The following ATR variants were observed in gnomAD, a reference collection of about 807,000 sequenced individuals.
The protein encoded by ATR is ATR checkpoint kinase.
A neutral mutation model predicts 305.3 loss-of-function variants in ATR; 142 were observed. The ratio of observed to expected loss-of-function variants is 0.47; its 90% CI spans 0.41 to 0.53. The LOEUF (loss-of-function observed/expected upper bound fraction) is 0.53, where lower values mean the gene tolerates loss of function less well. ATR is among the 20% of genes least tolerant of loss of function. The pLI, the probability that ATR is intolerant of heterozygous loss-of-function variation, is 0.00. For synonymous variants in ATR, 1,050 were observed against 1,068.1 expected, an observed-to-expected ratio of 0.98 and a Z score of 0.33; for missense variants, 2,135 against 3,133.1, an observed-to-expected ratio of 0.68 and a Z score of 7.60.
At chr3:142,515,270 CA>C (rs2032809331) in intron 25 of ATR, 124 bp downstream of exon 25, 1 of 1,336,662 alleles carries the variant, frequency 7.5e-7, no homozygotes, top group Admixed American at 2.2e-5. Context: ...ACATTTTCTT[CA>C]AAAATTTCTA....
intron 26 of ATR, among the ~76,000 whole-genome samples, chr3:142,512,729 T>A (rs1193848309): frequency 1.3e-5 from 2 of 151,910 alleles, no homozygotes; most frequent in African/African-American, 4.8e-5. Flanking sequence ...GTGGCACATG[T>A]GTGTAATCCC....
rs2108336444 is a variant in ATR at position 142,497,128 on chromosome 3, T to C, written c.5623A>G (p.Ser1875Gly). 6.2e-7 allele frequency: 1 copy of C among 1,614,116 alleles called. No homozygotes were observed. Among genetic ancestry groups the C allele is most frequent in the South Asian group, 1.1e-5 (1 of 91,076 alleles). Residue 1875 changes from serine (S) to glycine (G), a missense_variant, in exon 33 of 47, where the codon AGT becomes GGT. By Grantham distance (56) the Ser-to-Gly change is moderately conservative (BLOSUM62 0). Transcript: ENST00000350721. ...KPLFQHSPGD[S>G]SQEDSLNWVA... ...CAGTTTAGAGAATCTTCTTGAGAACTGTCACCTGGAGAATGCTGGAAAAGT... is the reference window on the plus strand; with the variant it reads ...CAGTTTAGAGAATCTTCTTGAGAACCGTCACCTGGAGAATGCTGGAAAAGT...
chr3:142,549,378 T>G, intron 15 of ATR, 101 bp downstream of exon 15: 1 of 749,256 alleles, frequency 1.3e-6, no homozygotes, highest in Non-Finnish European at 2.1e-6. Context: ...TCTTCTAGGA[T>G]AGGCTATAAT....
chr3:142,528,879 A>ATTTTTTTTTTTTTTTTTTTTT (rs1170239080), intron 21 of ATR, among the ~76,000 whole-genome samples: 1 of 30,486 alleles, frequency 3.3e-5, no homozygotes, highest in Non-Finnish European at 5.0e-5. Context: ...ATATATATAT[A>ATTTTTTTTTTTTTTTTTTTTT]TTTTTTTTTT....
Position 142,575,481 on chromosome 3 carries a change from A to C in ATR, c.59+3165T>G, listed in dbSNP as rs553511796. On this transcript the variant is annotated intron_variant, in intron 1 of 46. Transcript: ENST00000350721. ...GAGACTCCGTCTCAAAAAAAAAAAA[A>C]AAAAAGCAGGCTCATTCCCACTTAT... 1.1e-3 allele frequency among the ~76,000 whole-genome samples: 174 copies of C among 152,154 alleles called. 2 individuals are homozygous for C. The highest frequency in any genetic ancestry group is 4.1e-3 in the African/African-American group (170 of 41,506).
chr3:142,528,915 A>G (rs28617475), intron 21 of ATR, among the ~76,000 whole-genome samples: 69,277 of 111,840 alleles, frequency 0.62, 21,881 homozygotes, highest in African/African-American at 0.79. Flanking sequence ...GCAGAGTCTC[A>G]CTGTGTCACC....
intron 5 of ATR, among the ~76,000 whole-genome samples, 167 bp downstream of exon 5, chr3:142,561,076 A>G (rs1203517044): frequency 6.6e-6 from 1 of 152,240 alleles, no homozygotes; most frequent in Non-Finnish European, 1.5e-5. Flanking sequence ...GTTTTATACT[A>G]CTAACCGTCT....
At position 142,466,807 on chromosome 3, in the gene ATR, G is replaced by GAA. The variant is rs767891145; in HGVS notation, c.6688-276_6688-275dup. 4.5e-4 allele frequency among the ~76,000 whole-genome samples: 68 copies of GAA among 152,222 alleles called. 1 individual carries two copies. The highest frequency in any genetic ancestry group is 7.5e-4 in the Non-Finnish European group (51 of 67,988). On this transcript the variant is annotated intron_variant, in intron 39 of 46. Coordinates refer to ENST00000350721, the MANE Select transcript of ATR (RefSeq NM_001184.4). ...GAGCTCTGTAAATTAAACTCTCACT[G>GAA]AAGAAACAGTTATGTGTTTGATTAT...
chr3:142,545,807 C>T (rs1160195063), intron 16 of ATR, among the ~76,000 whole-genome samples: 1 of 151,980 alleles, frequency 6.6e-6, no homozygotes, highest in African/African-American at 2.4e-5. Context: ...GGAGGGCTCA[C>T]GAATGCTTCT....
At chr3:142,534,179 G>A (rs909441806) in intron 21 of ATR, among the ~76,000 whole-genome samples, 1 of 152,134 alleles carries the variant, frequency 6.6e-6, no homozygotes, top group Non-Finnish European at 1.5e-5. Flanking sequence ...CTAGGGGCAA[G>A]CACAGGGTAG....
At position 142,523,973 on chromosome 3, in the gene ATR, T is replaced by A. The variant is rs894491813; in HGVS notation, c.4152+20A>T. 3.7e-6 allele frequency: 6 copies of A among 1,606,418 alleles called. No individual in the cohort carries two copies. Among genetic ancestry groups the A allele is most frequent in the Admixed American group, 3.3e-5 (2 of 59,986 alleles). ...ATAGGACAGAGAACTCTTTTGTCATTCCAAATTTCCACTACTTACCACAAA... is the reference window on the plus strand; with the variant it reads ...ATAGGACAGAGAACTCTTTTGTCATACCAAATTTCCACTACTTACCACAAA... On this transcript the variant is annotated intron_variant, in intron 22 of 46. Transcript: ENST00000350721.
In ATR at chr3:142,567,129, G is replaced by C. The variant is rs75418140; in HGVS notation, c.152-868C>G. 6.0e-3 allele frequency among the ~76,000 whole-genome samples: 909 copies of C among 152,134 alleles called. 8 individuals carry two copies. Among genetic ancestry groups the C allele is most frequent in the African/African-American group, 0.02 (845 of 41,478 alleles). On this transcript the variant is annotated intron_variant, in intron 2 of 46. Transcript: ENST00000350721. ...ATCTATTTATCAAACATGTACTTCA[G>C]GAATAATATGCCAGGCAATGCTAAA... is the stretch of plus-strand genomic sequence containing the variant.
intron 21 of ATR, among the ~76,000 whole-genome samples, chr3:142,528,887 T>A (rs1421854863): frequency 6.5e-4 from 58 of 89,574 alleles, no homozygotes; most frequent in African/African-American, 2.9e-3. Context: ...ATATTTTTTT[T>A]TTTTTTTTTT....
chr3:142,510,341 C>G (rs989562504), intron 27 of ATR, among the ~76,000 whole-genome samples: 1 of 151,684 alleles, frequency 6.6e-6, no homozygotes, highest in Admixed American at 6.6e-5. Flanking sequence ...ACTAAAAGTA[C>G]AAAATATTAG....
intron 46 of ATR, chr3:142,451,505 C>A: frequency 4.9e-6 from 7 of 1,440,642 alleles, no homozygotes; most frequent in Non-Finnish European, 6.5e-6. Context: ...CAGACTGGAC[C>A]CATAGAAACA....
Position 142,542,754 on chromosome 3 carries a change from C to A in ATR, c.3361G>T (p.Asp1121Tyr), listed in dbSNP as rs2034099795. 1 of 1,608,592 alleles carries A rather than the reference C, an allele frequency of 6.2e-7. No homozygotes were observed. Among genetic ancestry groups the A allele is most frequent in the South Asian group, 1.1e-5 (1 of 90,770 alleles). ...CCCAACAATTTGGGTTGTAAATAAT[C>A]AGCCTAAGAAATAAAAACAGATAAT... is the stretch of plus-strand genomic sequence containing the variant. ...RDIISPELMADYLQPKLLGIL... is the reference protein window; with the variant it reads ...RDIISPELMAYYLQPKLLGIL... Residue 1121 changes from aspartate (D) to tyrosine (Y), a missense_variant, in exon 17 of 47, where the codon GAT (aspartate) becomes TAT (tyrosine). By Grantham distance (160) the Asp-to-Tyr change is radical. Coordinates refer to ENST00000350721, the MANE Select transcript of ATR (RefSeq NM_001184.4).
chr3:142,451,325 T>C (rs1208807024), intron 46 of ATR: 3 of 1,278,736 alleles, frequency 2.3e-6, no homozygotes, highest in African/African-American at 1.5e-5. Flanking sequence ...TTATGGCCAG[T>C]GTTGCAACAA....
chr3:142,466,308 T>C lies in ATR; in HGVS notation c.6897+16A>G, dbSNP rs2071129165. 1 of 1,604,674 alleles carries C rather than the reference T, an allele frequency of 6.2e-7. No individual in the cohort carries two copies. The highest frequency in any genetic ancestry group is 1.3e-5 in the African/African-American group (1 of 74,806). On this transcript the variant is annotated intron_variant, in intron 40 of 46. Coordinates refer to ENST00000350721, the MANE Select transcript of ATR (RefSeq NM_001184.4). ...ACTAAATTTTAAAATCATAGTCATA[T>C]AAAACTGAAGTTTACCATATCATCA...
chr3:142,515,791 C>G (rs534407672), intron 24 of ATR, among the ~76,000 whole-genome samples: 1 of 152,142 alleles, frequency 6.6e-6, no homozygotes, highest in African/African-American at 2.4e-5. Context: ...TCAAGCCACC[C>G]AGGTATACTA....
Sources: gnomAD v4.1 joint callset for allele counts (sites outside exome capture counted in the v4.1 genomes callset) on GRCh38, gnomAD v4.1.1 for gene constraint, MANE v1.5 for transcripts, NCBI Gene and HGNC (gene_info 2026-07-23, HGNC 2026-07-21) for gene names.